Variants in CNTNAP2 observed in about 807,000 individuals in gnomAD.
CNTNAP2 encodes contactin associated protein 2.
A neutral mutation model predicts 155.2 loss-of-function variants in CNTNAP2; 98 were observed. That is an observed-to-expected ratio of 0.63 (90% CI 0.54 to 0.75). The LOEUF is 0.75. Ranked by LOEUF, CNTNAP2 falls within the 30% of genes least tolerant of loss-of-function variation. The pLI is 0.00. For missense variants in CNTNAP2, 1,727 were observed against 1,688.1 expected (o/e 1.02, Z -0.40); for synonymous variants, 651 against 631.2 (o/e 1.03, Z -0.47).
chr7:146,562,204 T>C (rs936209106), intron 1 of CNTNAP2, among the ~76,000 whole-genome samples: 29 of 152,292 alleles, frequency 1.9e-4, no homozygotes, highest in Middle Eastern at 6.8e-3. Context: ...TTTAATAGAT[T>C]TGATATAAAA....
At chr7:147,169,246 C>G (rs572897955) in intron 8 of CNTNAP2, among the ~76,000 whole-genome samples, 1 of 152,004 alleles carries the variant, frequency 6.6e-6, no homozygotes, top group Non-Finnish European at 1.5e-5. Context: ...TGCCTAAATG[C>G]GAAGTTCTAG....
At chr7:146,521,440 A>T (rs1186394903) in intron 1 of CNTNAP2, among the ~76,000 whole-genome samples, 2 of 152,016 alleles carry the variant, frequency 1.3e-5, no homozygotes, top group African/African-American at 4.8e-5. Context: ...TCCAAAATCA[A>T]CTGAATAATT....
intron 8 of CNTNAP2, among the ~76,000 whole-genome samples, chr7:147,250,328 CT>C (rs978766047): frequency 1.3e-5 from 2 of 152,062 alleles, no homozygotes; most frequent in African/African-American, 4.8e-5. Context: ...GAACCTGCCC[CT>C]TTTTGGATCT....
chr7:147,902,808 G>A (rs535080367), intron 13 of CNTNAP2, among the ~76,000 whole-genome samples: 1,356 of 130,658 alleles, frequency 0.01, 40 homozygotes, highest in Admixed American at 0.082. Flanking sequence ...GTGTGTGTGT[G>A]TGTGTATGTG....
At chr7:148,411,275 A>AT (rs531847311) in intron 23 of CNTNAP2, among the ~76,000 whole-genome samples, 4 of 151,984 alleles carry the variant, frequency 2.6e-5, no homozygotes, top group African/African-American at 9.7e-5. Flanking sequence ...ATTTATTATT[A>AT]TTTTTTGAGA....
At chr7:147,655,093 G>A (rs192728239) in intron 13 of CNTNAP2, among the ~76,000 whole-genome samples, 4 of 151,260 alleles carry the variant, frequency 2.6e-5, no homozygotes, top group Admixed American at 2.0e-4. Context: ...GATTACAGAC[G>A]TGAGCTACCA....
intron 13 of CNTNAP2, among the ~76,000 whole-genome samples, chr7:147,675,413 C>A (rs1333831186): frequency 6.6e-6 from 1 of 152,032 alleles, no homozygotes; most frequent in African/African-American, 2.4e-5. Context: ...GAAACAGAAC[C>A]AAGGGGATAT....
Position 147,300,149 on chromosome 7 carries a change from T to C in CNTNAP2, c.1357T>C (p.Leu453=), listed in dbSNP as rs757396117. ...TATCTTGTACTTACCAGGTTCTGGG[T>C]TGAATGATGGACAGTGGCACGAGGT... ...SQIDISSGSG[L]NDGQWHEVRF... The change falls in exon 9 of 24, where the codon TTG becomes CTG. Residue 453 remains leucine, a synonymous_variant. Transcript: ENST00000361727. 1.9e-6 allele frequency: 3 copies of C among 1,614,012 alleles called. No homozygotes were observed. Among genetic ancestry groups the C allele is most frequent in the Non-Finnish European group, 2.5e-6 (3 of 1,179,930 alleles).
intron 3 of CNTNAP2, among the ~76,000 whole-genome samples, chr7:147,024,203 C>A (rs536113724): frequency 6.6e-6 from 1 of 152,290 alleles, no homozygotes; most frequent in South Asian, 2.1e-4. Flanking sequence ...TTTTCTCAAG[C>A]ACATTCTGCT....
At chr7:148,212,584 A>G (rs1435684545) in intron 18 of CNTNAP2, among the ~76,000 whole-genome samples, 1 of 152,232 alleles carries the variant, frequency 6.6e-6, no homozygotes, top group Admixed American at 6.5e-5. Context: ...TTACTAGTAC[A>G]AAACCTTAAA....
intron 21 of CNTNAP2, among the ~76,000 whole-genome samples, chr7:148,333,498 G>C (rs886451573): frequency 1.3e-5 from 2 of 152,016 alleles, no homozygotes; most frequent in Non-Finnish European, 2.9e-5. Context: ...GGAACATTTT[G>C]GTTCTTTTCC....
intron 1 of CNTNAP2, among the ~76,000 whole-genome samples, chr7:146,426,619 C>A (rs1171355112): frequency 8.5e-6 from 1 of 118,060 alleles, no homozygotes; most frequent in Non-Finnish European, 1.6e-5. Flanking sequence ...TTCAATAACA[C>A]CTTTAAAAAA....
chr7:147,823,372 C>G (rs1157457810), intron 13 of CNTNAP2, among the ~76,000 whole-genome samples: 1 of 152,104 alleles, frequency 6.6e-6, no homozygotes, highest in Non-Finnish European at 1.5e-5. Context: ...GGGCCTTGTT[C>G]TTAAATGAGA....
At chr7:146,937,351 C>CAAAA (rs71165050) in intron 3 of CNTNAP2, among the ~76,000 whole-genome samples, 246 of 134,824 alleles carry the variant, frequency 1.8e-3, no homozygotes, top group South Asian at 3.3e-3. Context: ...ACTCTTGTCT[C>CAAAA]AAAAAAAAAA....
intron 1 of CNTNAP2, among the ~76,000 whole-genome samples, chr7:146,709,754 T>C (rs1801031347): frequency 6.6e-6 from 1 of 152,112 alleles, no homozygotes; most frequent in South Asian, 2.1e-4. Context: ...AGACTGGAGT[T>C]GAGATTTTCT....
At chr7:147,196,385 A>C (rs1802801088) in intron 8 of CNTNAP2, among the ~76,000 whole-genome samples, 1 of 152,224 alleles carries the variant, frequency 6.6e-6, no homozygotes. Context: ...AATTTGCTAA[A>C]AGTAAAATAT....
At chr7:146,235,758 G>A (rs1412010920) in intron 1 of CNTNAP2, among the ~76,000 whole-genome samples, 11 of 152,224 alleles carry the variant, frequency 7.2e-5, no homozygotes, top group Middle Eastern at 3.4e-3. Flanking sequence ...GGGCTATGGG[G>A]GCAGAGATGG....
At chr7:147,675,523 G>A (rs1409614538) in intron 13 of CNTNAP2, among the ~76,000 whole-genome samples, 1 of 152,054 alleles carries the variant, frequency 6.6e-6, no homozygotes, top group East Asian at 1.9e-4. Context: ...TACTCAGAAA[G>A]AAGAAATTTA....
At chr7:146,650,976 C>T (rs1452714137) in intron 1 of CNTNAP2, among the ~76,000 whole-genome samples, 4 of 151,560 alleles carry the variant, frequency 2.6e-5, no homozygotes, top group Non-Finnish European at 5.9e-5. Context: ...GATATGATCA[C>T]GCTGGTGGAT....
Sources: allele counts gnomAD v4.1 joint callset (sites outside exome capture counted in the v4.1 genomes callset), GRCh38; gene constraint gnomAD v4.1.1; transcripts MANE v1.5; gene names NCBI Gene and HGNC (gene_info 2026-07-23, HGNC 2026-07-21).